The following GTF3C1 variants were observed in gnomAD, a reference collection of about 807,000 sequenced individuals.
The protein encoded by GTF3C1 is general transcription factor 3C polypeptide 1.
A neutral mutation model predicts 226.7 loss-of-function variants in GTF3C1; 57 were observed. The observed-to-expected ratio is 0.25, with a 90% CI of 0.20 to 0.31. GTF3C1 has a LOEUF of 0.31. GTF3C1 is among the 10% of genes least tolerant of loss of function. GTF3C1 has a pLI of 1.00. For synonymous variants in GTF3C1, 1,090 were observed against 1,084.8 expected (o/e 1.00, Z -0.09); for missense variants, 2,217 against 2,776.1 (o/e 0.80, Z 4.53).
intron 17 of GTF3C1, 145 bp downstream of exon 17, chr16:27,493,054 T>C: frequency 1.7e-6 from 1 of 602,876 alleles, no homozygotes; most frequent in Non-Finnish European, 3.0e-6. Context: ...ACTTCATTAA[T>C]ATTAATAACT....
intron 6 of GTF3C1, among the ~76,000 whole-genome samples, chr16:27,528,348 G>C (rs1279231861): frequency 2.0e-5 from 3 of 152,156 alleles, no homozygotes; most frequent in African/African-American, 7.2e-5. Context: ...TTGTTTATTT[G>C]GGCACCTGAT....
chr16:27,477,195 G>A (rs2087962832), intron 28 of GTF3C1, among the ~76,000 whole-genome samples: 1 of 152,252 alleles, frequency 6.6e-6, no homozygotes, highest in South Asian at 2.1e-4. Flanking sequence ...GAAACAGCAA[G>A]ACCAACCCCT....
Position 27,471,969 on chromosome 16 carries a change from G to A in GTF3C1, c.4354-49C>T. The A allele has an allele frequency of 1.3e-6, 2 of 1,552,710 alleles. No individual in the cohort carries two copies. The highest frequency in any genetic ancestry group is 1.8e-6 in the Non-Finnish European group (2 of 1,125,916). Reference sequence around the variant, plus strand: ...GAGTAGGGTTCTCCAGCCGGCCACGGAGAGGGCTGGGGTATGTGGAGGCAG... The same window carrying A: ...GAGTAGGGTTCTCCAGCCGGCCACGAAGAGGGCTGGGGTATGTGGAGGCAG... On this transcript the variant is annotated intron_variant, in intron 29 of 36. Coordinates refer to ENST00000356183, the MANE Select transcript of GTF3C1 (RefSeq NM_001520.4). The surrounding 1 kb of genome is among the most constrained non-coding windows in gnomAD (Gnocchi z 5.0).
intron 26 of GTF3C1, among the ~76,000 whole-genome samples, chr16:27,482,334 T>C (rs983108114): frequency 5.1e-4 from 77 of 152,118 alleles, no homozygotes; most frequent in Non-Finnish European, 1.3e-4. Flanking sequence ...CCTCAACTGC[T>C]TGGCATTTGG....
At chr16:27,487,977 A>C (rs747393432) in intron 23 of GTF3C1, among the ~76,000 whole-genome samples, 1 of 152,136 alleles carries the variant, frequency 6.6e-6, no homozygotes, top group African/African-American at 2.4e-5. Flanking sequence ...TGAGTTCCTA[A>C]AGTCAGAAGC....
In GTF3C1 at chr16:27,549,848, C is replaced by G; in HGVS notation, c.43G>C (p.Gly15Arg). The G allele has an allele frequency of 6.2e-7, 1 of 1,613,070 alleles. No individual in the cohort carries two copies. The highest frequency in any genetic ancestry group is 8.5e-7 in the Non-Finnish European group (1 of 1,179,814). The stretch of plus-strand genomic sequence containing the variant: ...GCTGGCAGACACAGGCCATCGAGCC[C>G]CTCCAGAGCGACTTCGTCCAACAAC... ...ESLLDEVALEGLDGLCLPALW... is the reference protein window; with the variant it reads ...ESLLDEVALERLDGLCLPALW... The change falls in exon 1 of 37, where the codon GGG becomes CGG. Residue 15 changes from glycine to arginine, a missense_variant. Physicochemically the swap from Gly to Arg is moderately radical, Grantham distance 125. This residue lies in a region of GTF3C1 where 192 missense variants were observed against 251.8 expected (regional missense o/e 0.76). Coordinates refer to ENST00000356183, the MANE Select transcript of GTF3C1 (RefSeq NM_001520.4).
chr16:27,500,704 C>A (rs1431311595), intron 12 of GTF3C1, among the ~76,000 whole-genome samples: 1 of 152,190 alleles, frequency 6.6e-6, no homozygotes, highest in African/African-American at 2.4e-5. Flanking sequence ...TGCATCCCCC[C>A]GCAAACTTTA....
intron 10 of GTF3C1, among the ~76,000 whole-genome samples, chr16:27,503,308 G>C (rs2088436256): frequency 1.3e-5 from 2 of 152,108 alleles, no homozygotes; most frequent in South Asian, 4.2e-4. Flanking sequence ...ATTCCCCCTT[G>C]GTTCTCCCAT....
intron 6 of GTF3C1, among the ~76,000 whole-genome samples, chr16:27,516,907 T>C (rs1423376565): frequency 1.3e-5 from 2 of 152,170 alleles, no homozygotes; most frequent in African/African-American, 4.8e-5. Flanking sequence ...TAGAGGGTTA[T>C]AGTCATGGGT....
intron 6 of GTF3C1, 150 bp downstream of exon 6, chr16:27,528,448 T>C (rs2088865772): frequency 1.5e-6 from 1 of 659,912 alleles, no homozygotes; most frequent in African/African-American, 1.8e-5. Flanking sequence ...TGGACAGTCC[T>C]GAGCCAGGCA....
chr16:27,540,264 T>A (rs1300673946), intron 2 of GTF3C1, among the ~76,000 whole-genome samples: 1 of 152,220 alleles, frequency 6.6e-6, no homozygotes, highest in Admixed American at 6.5e-5. Context: ...GCCCATATAG[T>A]GCGTCTTCAA....
chr16:27,532,688 A>G (rs564149927), intron 5 of GTF3C1, among the ~76,000 whole-genome samples: 7 of 152,306 alleles, frequency 4.6e-5, no homozygotes, highest in Admixed American at 1.3e-4. Context: ...AACCACTGGG[A>G]ACAAGATCAT....
chr16:27,472,319 C>A (rs1207520366), intron 29 of GTF3C1, among the ~76,000 whole-genome samples: 1 of 152,218 alleles, frequency 6.6e-6, no homozygotes, highest in Non-Finnish European at 1.5e-5. Flanking sequence ...CTCTACCTTC[C>A]AATGCATCGG....
Position 27,471,726 on chromosome 16 carries a change from A to G in GTF3C1, c.4526+22T>C, listed in dbSNP as rs1339603555. The G allele has an allele frequency of 1.9e-6, 3 of 1,595,306 alleles. No individual in the cohort carries two copies. Among genetic ancestry groups the G allele is most frequent in the Non-Finnish European group, 8.6e-7 (1 of 1,163,182 alleles). Reference sequence around the variant, plus strand: ...GGCGTGGCTCCACCTCGGAGTACCCAAGGCTCCTGACAGGTACTCACCTGT... The same window carrying G: ...GGCGTGGCTCCACCTCGGAGTACCCGAGGCTCCTGACAGGTACTCACCTGT... On this transcript the variant is annotated intron_variant, in intron 30 of 36. Transcript: ENST00000356183. The surrounding 1 kb of genome is among the most constrained non-coding windows in gnomAD (Gnocchi z 5.0).
chr16:27,493,893 GCA>G (rs2088270469), intron 16 of GTF3C1, among the ~76,000 whole-genome samples: 1 of 150,596 alleles, frequency 6.6e-6, no homozygotes. Context: ...TTAGTCAAAA[GCA>G]CAGACAATAA....
chr16:27,524,190 C>T (rs915290045), intron 6 of GTF3C1, among the ~76,000 whole-genome samples: 4 of 152,206 alleles, frequency 2.6e-5, no homozygotes, highest in African/African-American at 7.2e-5. Flanking sequence ...TGAGCCCCTC[C>T]GAAATGGGGC....
intron 5 of GTF3C1, among the ~76,000 whole-genome samples, chr16:27,530,061 G>A (rs943348702): frequency 3.3e-5 from 5 of 152,170 alleles, no homozygotes; most frequent in Non-Finnish European, 5.9e-5. Flanking sequence ...GGGAGCGAAT[G>A]GCAGGAGGCA....
rs543888330 is a variant in GTF3C1, at chr16:27,492,718, A to G, written c.2877-5T>C. On this transcript the variant is annotated splice_region_variant and splice_polypyrimidine_tract_variant and intron_variant, in intron 17 of 36. Coordinates refer to ENST00000356183, the MANE Select transcript of GTF3C1 (RefSeq NM_001520.4). The surrounding 1 kb of genome is among the most constrained non-coding windows in gnomAD (Gnocchi z 5.0). ...ACCACCGAAAAAATGTAACGCCTAG[A>G]AAACAGAGGGGGCGGGAGGTTCTCA... is the stretch of plus-strand genomic sequence containing the variant. The G allele has an allele frequency of 7.6e-5, 115 of 1,508,732 alleles. 2 individuals carry two copies. In the South Asian group the frequency reaches 1.2e-3, roughly 16 times the overall value. 93.5% of individuals were successfully genotyped at this position (1,508,732 alleles called of 1,614,324 possible).
Position 27,470,640 on chromosome 16 carries a change from T to C in GTF3C1, c.4527-245A>G. ...AGTCCTGTCTCCTCATCTAATTCAA[T>C]GTGGCCTCACCTGGCGCTCCAGGAG... is the stretch of plus-strand genomic sequence containing the variant. On this transcript the variant is annotated intron_variant, in intron 30 of 36. Coordinates refer to ENST00000356183, the MANE Select transcript of GTF3C1 (RefSeq NM_001520.4). The surrounding 1 kb of genome is among the most constrained non-coding windows in gnomAD (Gnocchi z 4.9). The C allele has an allele frequency of 2.0e-6, 1 of 507,172 alleles. No individual in the cohort carries two copies. 31.4% of individuals were successfully genotyped at this position (507,172 alleles called of 1,614,324 possible).
Sources: gnomAD v4.1 joint callset for allele counts (sites outside exome capture counted in the v4.1 genomes callset) on GRCh38, gnomAD v4.1.1 for gene constraint, gnomAD v4.1.1 regional missense constraint, Gnocchi (gnomAD v3.1) non-coding constraint, MANE v1.5 for transcripts, NCBI Gene and HGNC (gene_info 2026-07-23, HGNC 2026-07-21) for gene names.